EPHA5: variants seen among roughly 807,000 people sequenced by gnomAD.
EPHA5 encodes the protein EPH receptor A5.
A neutral mutation model predicts 105.0 loss-of-function variants in EPHA5; 60 were observed. That is an observed-to-expected ratio of 0.57 (90% CI 0.46 to 0.71). The LOEUF (loss-of-function observed/expected upper bound fraction) is 0.71. Among genes scored for constraint, EPHA5 ranks in the 30% least tolerant of loss-of-function variants. The probability of loss-of-function intolerance (pLI) is 0.00; values close to 1 mark genes in which losing one functional copy is unlikely to be tolerated. For synonymous variants in EPHA5, 513 were observed against 449.1 expected (o/e 1.14, Z -1.80); for missense variants, 1,218 against 1,274.7 (o/e 0.96, Z 0.68).
intron 5 of EPHA5, among the ~76,000 whole-genome samples, chr4:65,456,122 G>A (rs897990753): frequency 6.6e-6 from 1 of 152,144 alleles, no homozygotes. Flanking sequence ...GAATCCGTAT[G>A]AATAACTAGT....
intron 1 of EPHA5, among the ~76,000 whole-genome samples, chr4:65,655,249 T>A (rs1291794949): frequency 2.0e-5 from 3 of 152,216 alleles, no homozygotes; most frequent in African/African-American, 7.2e-5. Context: ...ATACACTGTT[T>A]TTTTGAAGTG....
chr4:65,401,999 C>T (rs1721887334), intron 8 of EPHA5, among the ~76,000 whole-genome samples: 1 of 151,904 alleles, frequency 6.6e-6, no homozygotes, highest in Admixed American at 6.6e-5. Context: ...ATTATAATCC[C>T]CATAATCCCC....
At chr4:65,441,509 T>C (rs894696046) in intron 5 of EPHA5, among the ~76,000 whole-genome samples, 5 of 151,680 alleles carry the variant, frequency 3.3e-5, no homozygotes, top group African/African-American at 4.8e-5. Context: ...GTATTACTTA[T>C]GATAGGAAAA....
chr4:65,427,143 T>C (rs1196413289), intron 5 of EPHA5, among the ~76,000 whole-genome samples: 1 of 151,474 alleles, frequency 6.6e-6, no homozygotes, highest in Non-Finnish European at 1.5e-5. Flanking sequence ...GAGACAATTA[T>C]ATGTATAAGT....
chr4:65,491,555 T>C lies in EPHA5; in HGVS notation c.1067-843A>G, dbSNP rs539838734. 2.0e-5 allele frequency among the ~76,000 whole-genome samples: 3 copies of C among 152,182 alleles called. No homozygotes were observed. In the East Asian group the frequency reaches 5.8e-4, roughly 29 times the overall value. The stretch of plus-strand genomic sequence containing the variant: ...AATATTTTCATAGAATCATAACATA[T>C]TAACTACGAATAGCTTTCAGGAGTG... On this transcript the variant is annotated intron_variant, in intron 4 of 16. Transcript: ENST00000613740.
chr4:65,436,079 T>C (rs1725452198), intron 5 of EPHA5, among the ~76,000 whole-genome samples: 1 of 151,998 alleles, frequency 6.6e-6, no homozygotes, highest in African/African-American at 2.4e-5. Context: ...ATAAATAATA[T>C]CAAGTTCTTT....
rs77948830 is a variant in EPHA5, at chr4:65,513,702, T to C, written c.911-18159A>G. ...CGCCCAGCCTCAAAAGATTTCTAAG[T>C]ACTTCTAAATCTTTCACTTTTTTTG... On this transcript the variant is annotated intron_variant, in intron 3 of 16. Coordinates refer to ENST00000613740, the MANE Select transcript of EPHA5 (RefSeq NM_001281766.3). Among the ~76,000 whole-genome samples the C allele has an allele frequency of 3.5e-4, 53 of 152,296 alleles. 1 individual carries two copies. The East Asian group carries it at 9.7e-3, about 28-fold the overall frequency.
At chr4:65,483,106 T>C (rs1005198709) in intron 5 of EPHA5, among the ~76,000 whole-genome samples, 1 of 152,010 alleles carries the variant, frequency 6.6e-6, no homozygotes, top group Non-Finnish European at 1.5e-5. Flanking sequence ...TGAGAACATG[T>C]GGTGTTTGGT....
At chr4:65,638,487 T>G (rs1578655996) in intron 2 of EPHA5, among the ~76,000 whole-genome samples, 2 of 152,074 alleles carry the variant, frequency 1.3e-5, no homozygotes, top group Non-Finnish European at 2.9e-5. Flanking sequence ...CCTGTAATCC[T>G]AGCACTTTGG....
intron 8 of EPHA5, among the ~76,000 whole-genome samples, chr4:65,384,461 C>T (rs1031281213): frequency 4.0e-5 from 6 of 151,824 alleles, no homozygotes; most frequent in Non-Finnish European, 8.8e-5. Context: ...TCCCTATTTC[C>T]AATTCAGGAT....
At chr4:65,419,840 A>G (rs1016838215) in intron 6 of EPHA5, among the ~76,000 whole-genome samples, 11 of 152,294 alleles carry the variant, frequency 7.2e-5, no homozygotes, top group African/African-American at 2.2e-4. Flanking sequence ...TACAACCTTG[A>G]GACCTCGACA....
rs1401630493 is a variant in EPHA5 at position 65,323,535 on chromosome 4, T to G, written c.*579A>C. 2 of 230,180 alleles carry G rather than the reference T, an allele frequency of 8.7e-6. No individual in the cohort carries two copies. The highest frequency in any genetic ancestry group is 1.7e-5 in the Non-Finnish European group (2 of 116,154). 14.3% of individuals were successfully genotyped at this position (230,180 alleles called of 1,614,324 possible). ...AATATACACCCTGTATTGTACTTTT[T>G]CTTGATCAAGCAACATGTTTACACA... On this transcript the variant is annotated 3_prime_UTR_variant, in exon 17 of 17. Transcript: ENST00000613740.
intron 2 of EPHA5, among the ~76,000 whole-genome samples, chr4:65,629,441 G>A (rs910004130): frequency 9.2e-5 from 14 of 152,220 alleles, no homozygotes; most frequent in Admixed American, 2.0e-4. Flanking sequence ...GATAAATAAA[G>A]ACATACAATC....
intron 3 of EPHA5, among the ~76,000 whole-genome samples, chr4:65,577,002 C>T (rs746765427): frequency 7.2e-5 from 11 of 152,158 alleles, no homozygotes; most frequent in African/African-American, 2.2e-4. Context: ...TAAAACAAGT[C>T]CCAGTGTTCT....
chr4:65,325,062 G>A (rs1719948173), intron 16 of EPHA5, among the ~76,000 whole-genome samples: 1 of 151,170 alleles, frequency 6.6e-6, no homozygotes, highest in African/African-American at 2.4e-5. Context: ...CAAATGATAA[G>A]CATTAATTAT....
intron 5 of EPHA5, among the ~76,000 whole-genome samples, chr4:65,468,310 A>T (rs1464823722): frequency 6.6e-6 from 1 of 151,816 alleles, no homozygotes; most frequent in African/African-American, 2.4e-5. Context: ...TACATATCAC[A>T]TAGCCAAGCA....
intron 14 of EPHA5, among the ~76,000 whole-genome samples, chr4:65,345,866 G>A (rs1722170231): frequency 1.3e-5 from 2 of 151,736 alleles, no homozygotes; most frequent in East Asian, 1.9e-4. Context: ...TCTGCCTCCC[G>A]GGTTCATGCC....
At chr4:65,495,342 A>C (rs749497698) in intron 4 of EPHA5, 46 bp downstream of exon 4, 1 of 1,583,938 alleles carries the variant, frequency 6.3e-7, no homozygotes, top group South Asian at 1.2e-5. Context: ...TGTTTCCTCA[A>C]AACTGGTTAA....
chr4:65,614,059 T>A (rs188842461), intron 2 of EPHA5, among the ~76,000 whole-genome samples: 1 of 151,928 alleles, frequency 6.6e-6, no homozygotes, highest in South Asian at 2.1e-4. Flanking sequence ...ATTTACAGAT[T>A]TAGTGAAGTT....
Sources: allele counts gnomAD v4.1 joint callset (sites outside exome capture counted in the v4.1 genomes callset), GRCh38; gene constraint gnomAD v4.1.1; transcripts MANE v1.5; gene names NCBI Gene and HGNC (gene_info 2026-07-23, HGNC 2026-07-21).